SATB1: variants seen among roughly 807,000 people sequenced by gnomAD.
SATB1 encodes SATB homeobox 1.
A neutral mutation model predicts 86.9 loss-of-function variants in SATB1; 11 were observed. The ratio of observed to expected loss-of-function variants is 0.13; its 90% confidence interval spans 0.08 to 0.21. SATB1 has a LOEUF of 0.21. Among genes scored for constraint, SATB1 ranks in the 10% least tolerant of loss-of-function variants. The probability of loss-of-function intolerance (pLI) is 1.00; values close to 1 mark genes in which losing one functional copy is unlikely to be tolerated. For synonymous variants in SATB1, 357 were observed against 357.2 expected, an observed-to-expected ratio of 1.00 and a Z score of 0.01; for missense variants, 551 against 937.6, an observed-to-expected ratio of 0.59 and a Z score of 5.39.
intron 7 of SATB1, among the ~76,000 whole-genome samples, chr3:18,391,118 TA>T (rs201532014): frequency 1.3e-5 from 2 of 151,310 alleles, no homozygotes; most frequent in African/African-American, 2.4e-5. Flanking sequence ...AAGGTAGGCT[TA>T]AAAAAAAACC....
chr3:18,414,978 T>C, intron 5 of SATB1, 133 bp downstream of exon 5: 4 of 923,782 alleles, frequency 4.3e-6, no homozygotes, highest in Non-Finnish European at 6.6e-6. Flanking sequence ...AGGTCACCAG[T>C]GGTCAAGTCA....
Position 18,394,857 on chromosome 3 carries a change from G to C in SATB1, c.811C>G (p.Gln271Glu). ...GCTGTGTTCCCTGGAACTGGTTGCTGGCCAAAATTGACATGATTGGCGCCT... is the reference window on the plus strand; with the variant it reads ...GCTGTGTTCCCTGGAACTGGTTGCTCGCCAAAATTGACATGATTGGCGCCT... ...QQGANHVNFGQQPVPGNTAEQ... is the reference protein window; with the variant it reads ...QQGANHVNFGEQPVPGNTAEQ... The change falls in exon 7 of 11, where the codon CAG (glutamine) becomes GAG (glutamate). Residue 271 changes from glutamine (Q) to glutamate (E), a missense_variant. Around this residue, in one of 8 missense-constraint regions of SATB1, gnomAD observed 119 missense variants for 171.1 expected, o/e 0.70. Transcript: ENST00000338745. This position sits in a 1 kb window ranked among gnomAD's most constrained non-coding sequence, Gnocchi z 5.9. 6.2e-7 allele frequency: 1 copy of C among 1,613,224 alleles called. No homozygotes were observed. The highest frequency in any genetic ancestry group is 8.5e-7 in the Non-Finnish European group (1 of 1,179,666).
intron 9 of SATB1, among the ~76,000 whole-genome samples, chr3:18,377,734 T>C (rs1252311314): frequency 6.6e-6 from 1 of 152,176 alleles, no homozygotes; most frequent in Non-Finnish European, 1.5e-5. Flanking sequence ...TGCTCACTGC[T>C]ATACCACCAA....
At chr3:18,363,859 G>A (rs1393061937) in intron 9 of SATB1, among the ~76,000 whole-genome samples, 1 of 151,678 alleles carries the variant, frequency 6.6e-6, no homozygotes, top group Non-Finnish European at 1.5e-5. Flanking sequence ...TAGTTCAATT[G>A]GAAAAAAAAA....
Position 18,349,351 on chromosome 3 carries a change from C to T in SATB1, c.2111G>A (p.Gly704Asp), listed in dbSNP as rs1179666041. ...TAAACCGGAATTGTCCTTCAGTTTGCCGTGGTGCTTGAGATAGTACCGCTG... is the reference window on the plus strand; with the variant it reads ...TAAACCGGAATTGTCCTTCAGTTTGTCGTGGTGCTTGAGATAGTACCGCTG... ...QNQRYYLKHH[G>D]KLKDNSGLEV... Residue 704 changes from glycine (G) to aspartate (D), a missense_variant, in exon 11 of 11, where the codon GGC (glycine) becomes GAC (aspartate). Coordinates refer to ENST00000338745, the MANE Select transcript of SATB1 (RefSeq NM_002971.6). This position sits in a 1 kb window ranked among gnomAD's most constrained non-coding sequence, Gnocchi z 5.5. The T allele has an allele frequency of 6.2e-7, 1 of 1,614,014 alleles. No individual in the cohort carries two copies. Among genetic ancestry groups the T allele is most frequent in the Admixed American group, 1.7e-5 (1 of 59,988 alleles).
At position 18,394,382 on chromosome 3, in the gene SATB1, G is replaced by T. The variant is rs532626982; in HGVS notation, c.1206+80C>A. On this transcript the variant is annotated intron_variant, in intron 7 of 10. Coordinates refer to ENST00000338745, the MANE Select transcript of SATB1 (RefSeq NM_002971.6). This position sits in a 1 kb window ranked among gnomAD's most constrained non-coding sequence, Gnocchi z 5.9. ...AGAAAATGTTAGTACAGAAGTAAAA[G>T]AATAAACTTTAGTTATAGATGGGAC... The T allele has an allele frequency of 1.7e-6, 2 of 1,186,702 alleles. No homozygotes were observed. Among genetic ancestry groups the T allele is most frequent in the Admixed American group, 3.7e-5 (2 of 53,490 alleles). The allele number at this position is 1,186,702 out of a possible 1,614,324, so 73.5% of individuals were successfully genotyped here. A position where few individuals can be genotyped will look rare whatever the true frequency, so the allele number is the denominator to read the frequency against.
intron 9 of SATB1, among the ~76,000 whole-genome samples, chr3:18,376,581 G>A (rs928016178): frequency 6.9e-6 from 1 of 144,010 alleles, no homozygotes; most frequent in African/African-American, 2.7e-5. Context: ...CAAGTAGGTG[G>A]GGGGGGGGAG....
At position 18,386,536 on chromosome 3, in the gene SATB1, C is replaced by T; in HGVS notation, c.1282G>A (p.Ala428Thr). ...GGTAACTGCAAGAAATTCTGCATAG[C>T]CCGAAGGTTTACCAGCAAAGACTGG... Reference protein sequence around the residue: ...ASQSLLVNLRAMQNFLQLPEA... With the variant: ...ASQSLLVNLRTMQNFLQLPEA... The change falls in exon 8 of 11, where the codon GCT becomes ACT. Residue 428 changes from alanine (A) to threonine (T), a missense_variant. Physicochemically the swap from Ala to Thr is moderately conservative, Grantham distance 58. Around this residue, in one of 8 missense-constraint regions of SATB1, gnomAD observed 110 missense variants for 212.2 expected, o/e 0.52. Coordinates refer to ENST00000338745, the MANE Select transcript of SATB1 (RefSeq NM_002971.6). The surrounding 1 kb of genome is among the most constrained non-coding windows in gnomAD (Gnocchi z 4.5). 1 of 1,614,090 alleles carries T rather than the reference C, an allele frequency of 6.2e-7. No individual in the cohort carries two copies. Among genetic ancestry groups the T allele is most frequent in the Non-Finnish European group, 8.5e-7 (1 of 1,180,008 alleles).
intron 7 of SATB1, among the ~76,000 whole-genome samples, chr3:18,391,484 C>G (rs529813601): frequency 3.3e-5 from 5 of 150,312 alleles, no homozygotes; most frequent in African/African-American, 1.2e-4. Flanking sequence ...CCCACTAAGT[C>G]GTCATCTAGC....
chr3:18,348,994 G>A lies in SATB1; in HGVS notation c.*176C>T, dbSNP rs2125122046. On this transcript the variant is annotated 3_prime_UTR_variant, in exon 11 of 11. Coordinates refer to ENST00000338745, the MANE Select transcript of SATB1 (RefSeq NM_002971.6). ...CTGCCAAGCAGTTTGTAAAACAGAG[G>A]AAAACATTTAGTGCAGTCTGTATTA... 4.6e-6 allele frequency: 5 copies of A among 1,081,120 alleles called. No individual in the cohort carries two copies. The highest frequency in any genetic ancestry group is 6.4e-6 in the Non-Finnish European group (5 of 777,976). The allele number at this position is 1,081,120 out of a possible 1,614,324, so 67.0% of individuals were successfully genotyped here.
intron 9 of SATB1, among the ~76,000 whole-genome samples, chr3:18,374,862 T>C (rs1695664614): frequency 6.6e-6 from 1 of 152,214 alleles, no homozygotes; most frequent in South Asian, 2.1e-4. Context: ...CGTTACCATT[T>C]GGGTATAGTG....
At chr3:18,440,419 G>A (rs770545106), upstream of SATB1, among the ~76,000 whole-genome samples, 1 of 152,108 alleles carries the variant, frequency 6.6e-6, no homozygotes, top group Non-Finnish European at 1.5e-5. Context: ...CTGAAGCCCT[G>A]GATTATAGCA....
intron 7 of SATB1, among the ~76,000 whole-genome samples, chr3:18,388,279 G>C (rs1696447233): frequency 6.6e-6 from 1 of 152,024 alleles, no homozygotes; most frequent in South Asian, 2.1e-4. Context: ...TAATTAGTTT[G>C]ACTGTGTTTC....
upstream of SATB1, among the ~76,000 whole-genome samples, chr3:18,427,448 T>C (rs1487683014): frequency 6.6e-6 from 1 of 152,174 alleles, no homozygotes; most frequent in Non-Finnish European, 1.5e-5. Context: ...GAATGTTTTT[T>C]ATAAAAGAAA....
In SATB1 at chr3:18,396,268, A is replaced by AT. The variant is rs150234133; in HGVS notation, c.751+910dup. On this transcript the variant is annotated intron_variant, in intron 6 of 10. Transcript: ENST00000338745. ...GAGCTAAAACTTGCTCAAAATTTGG[A>AT]TTAATTTTTCTTAAAAAATTAAAAA... Among the ~76,000 whole-genome samples the AT allele has an allele frequency of 2.0e-3, 306 of 152,248 alleles. 1 individual carries two copies. The highest frequency in any genetic ancestry group is 6.8e-3 in the Middle Eastern group (2 of 294).
chr3:18,361,760 T>C (rs887322108), intron 9 of SATB1, among the ~76,000 whole-genome samples: 3 of 152,198 alleles, frequency 2.0e-5, no homozygotes, highest in African/African-American at 7.2e-5. Flanking sequence ...TTCATATTAT[T>C]TGTACTAGCA....
intron 5 of SATB1, chr3:18,408,679 G>GTTTTT (rs11300289): frequency 6.9e-6 from 1 of 144,882 alleles, no homozygotes; most frequent in African/African-American, 2.5e-5. Flanking sequence ...TGATTATCAG[G>GTTTTT]TTTTTTTTTT....
chr3:18,371,396 A>G (rs913743729), intron 9 of SATB1, among the ~76,000 whole-genome samples: 8 of 152,154 alleles, frequency 5.3e-5, no homozygotes, highest in Non-Finnish European at 1.2e-4. Context: ...AGATATATAT[A>G]TTTTTAAATG....
At chr3:18,391,300 T>C (rs776287637) in intron 7 of SATB1, among the ~76,000 whole-genome samples, 1 of 152,210 alleles carries the variant, frequency 6.6e-6, no homozygotes, top group African/African-American at 2.4e-5. Context: ...TATTAAGGTC[T>C]TAATGCCGTT....
Sources: allele counts gnomAD v4.1 joint callset (sites outside exome capture counted in the v4.1 genomes callset), GRCh38; gene constraint gnomAD v4.1.1; regional missense constraint gnomAD v4.1.1; non-coding constraint Gnocchi (gnomAD v3.1); transcripts MANE v1.5; gene names NCBI Gene and HGNC (gene_info 2026-07-23, HGNC 2026-07-21).